The following NCOA3 variants were observed in gnomAD, a reference collection of about 807,000 sequenced individuals.
The protein encoded by NCOA3 is nuclear receptor coactivator 3.
In NCOA3, 51 loss-of-function variants were observed where a neutral mutation model predicts 158.8. The observed-to-expected ratio is 0.32, with a 90% CI of 0.26 to 0.41. NCOA3 has a LOEUF of 0.41. Ranked by LOEUF, NCOA3 falls within the 10% of genes least tolerant of loss-of-function variation. NCOA3 has a pLI of 1.00. For synonymous variants in NCOA3, 537 were observed against 592.4 expected, an observed-to-expected ratio of 0.91 and a Z score of 1.36; for missense variants, 1,510 against 1,746.6, an observed-to-expected ratio of 0.86 and a Z score of 2.41.
intron 1 of NCOA3, among the ~76,000 whole-genome samples, chr20:47,533,769 G>A (rs2084588695): frequency 6.6e-6 from 1 of 151,984 alleles, no homozygotes; most frequent in African/African-American, 2.4e-5. Context: ...TACAAAAAAT[G>A]CAGAAATTAG....
intron 2 of NCOA3, among the ~76,000 whole-genome samples, chr20:47,592,196 C>T (rs1340354771): frequency 6.6e-6 from 1 of 152,106 alleles, no homozygotes; most frequent in Non-Finnish European, 1.5e-5. Flanking sequence ...TGCTTGCCAC[C>T]ACACCTGGCT....
chr20:47,548,372 G>A (rs1426778008), intron 1 of NCOA3, among the ~76,000 whole-genome samples: 3 of 151,580 alleles, frequency 2.0e-5, no homozygotes, highest in South Asian at 4.2e-4. Flanking sequence ...GCGAAACCCC[G>A]TCTCTACTAA....
At chr20:47,641,226 G>A (rs1258685930) in intron 16 of NCOA3, among the ~76,000 whole-genome samples, 1 of 152,086 alleles carries the variant, frequency 6.6e-6, no homozygotes, top group East Asian at 1.9e-4. Context: ...GGGTGTATGG[G>A]GTTTGTGTTA....
At chr20:47,553,221 C>G (rs1190611208) in intron 1 of NCOA3, among the ~76,000 whole-genome samples, 1 of 152,094 alleles carries the variant, frequency 6.6e-6, no homozygotes, top group African/African-American at 2.4e-5. Flanking sequence ...AGGCGTGAGC[C>G]ACCGTGCCTG....
At chr20:47,554,052 C>T (rs1368207900) in intron 1 of NCOA3, among the ~76,000 whole-genome samples, 2 of 152,198 alleles carry the variant, frequency 1.3e-5, no homozygotes, top group Admixed American at 6.6e-5. Context: ...ACATCCTCTC[C>T]AGCACCTGTT....
intron 2 of NCOA3, among the ~76,000 whole-genome samples, chr20:47,621,748 G>T (rs549392506): frequency 6.8e-6 from 1 of 147,046 alleles, no homozygotes; most frequent in Non-Finnish European, 1.5e-5. Context: ...TCTACCCCTC[G>T]GTTCAAGTGA....
At chr20:47,536,107 A>C (rs192656931) in intron 1 of NCOA3, among the ~76,000 whole-genome samples, 28 of 152,294 alleles carry the variant, frequency 1.8e-4, no homozygotes, top group African/African-American at 6.3e-4. Context: ...ATGGCAGGCC[A>C]AAAGGCAACT....
In NCOA3 at chr20:47,654,659, A is replaced by C. The variant is rs1336521860; in HGVS notation, c.*1242A>C. On this transcript the variant is annotated 3_prime_UTR_variant, in exon 23 of 23. Transcript: ENST00000371998. ...AATCTAAATGCTTTTTAAAGAGATT[A>C]TTTGTTTAGATGTAGGCATTTTAAT... is the stretch of plus-strand genomic sequence containing the variant. 6.6e-6 allele frequency: 1 copy of C among 152,478 alleles called. No individual in the cohort carries two copies. Among genetic ancestry groups the C allele is most frequent in the Non-Finnish European group, 1.5e-5 (1 of 68,030 alleles). The allele number at this position is 152,478 out of a possible 1,614,324, so 9.4% of individuals were successfully genotyped here. A position where few individuals can be genotyped will look rare whatever the true frequency, so the allele number is the denominator to read the frequency against.
chr20:47,581,174 A>G (rs1306190424), intron 1 of NCOA3, among the ~76,000 whole-genome samples: 6 of 152,114 alleles, frequency 3.9e-5, no homozygotes, highest in African/African-American at 1.2e-4. Flanking sequence ...AATTACCTTC[A>G]GGCTGTGTGT....
At chr20:47,593,104 T>G (rs950718747) in intron 2 of NCOA3, among the ~76,000 whole-genome samples, 5 of 151,946 alleles carry the variant, frequency 3.3e-5, no homozygotes, top group Non-Finnish European at 5.9e-5. Context: ...CTGCTAATGT[T>G]TTGTATTTTG....
At chr20:47,502,099 G>A in intron 1 of NCOA3, 80 bp downstream of exon 1, 2 of 398,858 alleles carry the variant, frequency 5.0e-6, no homozygotes, top group Non-Finnish European at 8.8e-6. Context: ...GAGTTCCCCA[G>A]GCTGCGAGAG....
chr20:47,540,489 T>TTGAACCTAG (rs1398009719), intron 1 of NCOA3, among the ~76,000 whole-genome samples: 1 of 151,588 alleles, frequency 6.6e-6, no homozygotes, highest in Non-Finnish European at 1.5e-5. Context: ...GGAGAATCGG[T>TTGAACCTAG]TGAACCTAGG....
chr20:47,611,267 A>G (rs554204314), intron 2 of NCOA3, among the ~76,000 whole-genome samples: 1 of 151,894 alleles, frequency 6.6e-6, no homozygotes, highest in Non-Finnish European at 1.5e-5. Context: ...GCACATACCC[A>G]CTGTCCCTCC....
rs533282056 is a variant in NCOA3, at chr20:47,597,503, G to A, written c.-20+14242G>A. ...TGTGCTTTTTTTTTTTTTTTTGGGA[G>A]GGGGAGATGGAGTTTCGCTCTGTCG... On this transcript the variant is annotated intron_variant, in intron 2 of 22. Transcript: ENST00000371998. 6.7e-5 allele frequency among the ~76,000 whole-genome samples: 10 copies of A among 148,578 alleles called. No homozygotes were observed. In the East Asian group the frequency reaches 1.8e-3, roughly 26 times the overall value.
At chr20:47,551,426 C>G (rs983075442) in intron 1 of NCOA3, among the ~76,000 whole-genome samples, 1 of 152,156 alleles carries the variant, frequency 6.6e-6, no homozygotes, top group Non-Finnish European at 1.5e-5. Flanking sequence ...AAGCAGTAGA[C>G]TTTCTACAAC....
chr20:47,650,953 A>G (rs2086776593), intron 19 of NCOA3, 29 bp from the exon 20 acceptor site: 1 of 1,603,550 alleles, frequency 6.2e-7, no homozygotes, highest in Non-Finnish European at 8.5e-7. Context: ...TGCTATATAT[A>G]TGTAATTGCA....
chr20:47,574,732 C>A (rs771814309), intron 1 of NCOA3, among the ~76,000 whole-genome samples: 7 of 152,054 alleles, frequency 4.6e-5, no homozygotes, highest in Admixed American at 3.3e-4. Context: ...CCTTTGTATA[C>A]GCTTTGCATA....
chr20:47,551,920 A>C (rs1392243172), intron 1 of NCOA3, among the ~76,000 whole-genome samples: 1 of 152,244 alleles, frequency 6.6e-6, no homozygotes, highest in Non-Finnish European at 1.5e-5. Flanking sequence ...GGTTTTAAAA[A>C]AACTTTAATT....
At chr20:47,550,445 A>AG (rs1358411180) in intron 1 of NCOA3, among the ~76,000 whole-genome samples, 34 of 57,198 alleles carry the variant, frequency 5.9e-4, no homozygotes, top group Admixed American at 4.2e-3. Flanking sequence ...ACTCCGTCTC[A>AG]GAAAAAAAAA....
Sources: allele counts gnomAD v4.1 joint callset (sites outside exome capture counted in the v4.1 genomes callset), GRCh38; gene constraint gnomAD v4.1.1; transcripts MANE v1.5; gene names NCBI Gene and HGNC (gene_info 2026-07-23, HGNC 2026-07-21).